Variants in PROS1 observed in about 807,000 individuals in gnomAD.
The protein encoded by PROS1 is protein S.
Under a neutral mutation model 75.9 loss-of-function variants are expected in PROS1, and 29 were observed. The observed-to-expected ratio is 0.38, with a 90% CI of 0.28 to 0.52. PROS1 has a LOEUF of 0.52. Among genes scored for constraint, PROS1 ranks in the 20% least tolerant of loss-of-function variants. The probability of loss-of-function intolerance (pLI) is 0.83; values close to 1 mark genes in which losing one functional copy is unlikely to be tolerated. For missense variants in PROS1, 680 were observed against 810.3 expected (o/e 0.84, Z 1.95); for synonymous variants, 245 against 280.6 (o/e 0.87, Z 1.27).
At position 93,965,680 on chromosome 3, in the gene PROS1, C is replaced by G. The variant is rs1709778049; in HGVS notation, c.76+7994G>C. On this transcript the variant is annotated intron_variant, in intron 1 of 14. Coordinates refer to ENST00000394236, the MANE Select transcript of PROS1 (RefSeq NM_000313.4). Reference sequence around the variant, plus strand: ...TGAGCAAGGACCCCCCGGTAACAACCTGATACTTTTCTTTTCTTTTCTATT... The same window carrying G: ...TGAGCAAGGACCCCCCGGTAACAACGTGATACTTTTCTTTTCTTTTCTATT... Among the ~76,000 whole-genome samples the G allele has an allele frequency of 3.3e-5, 5 of 152,070 alleles. No individual in the cohort carries two copies. In the South Asian group the frequency reaches 1.0e-3, roughly 32 times the overall value.
rs546824546 is a variant in PROS1 at position 93,949,316 on chromosome 3, A to G, written c.77-21909T>C. Among the ~76,000 whole-genome samples, 38 of 152,286 alleles carry G rather than the reference A, an allele frequency of 2.5e-4. 1 individual carries two copies. The highest frequency in any genetic ancestry group is 2.1e-3 in the South Asian group (10 of 4,824). On this transcript the variant is annotated intron_variant, in intron 1 of 14. Transcript: ENST00000394236. Reference sequence around the variant, plus strand: ...TTTTTATAAACTCACAATCAATGTCACCTACTTTTATAAAATTGAGTATTT... The same window carrying G: ...TTTTTATAAACTCACAATCAATGTCGCCTACTTTTATAAAATTGAGTATTT...
In PROS1 at chr3:93,924,254, TA is replaced by T; in HGVS notation, c.244del (p.Tyr82IlefsTer5). The part of the protein sequence containing the change: ...FENDPETDYF[Y>X]PKYLVCLRSF... ...TTTGAACTTACCTAAGTATTTTGGA[TA>T]AAAATAATCCTAGAAAGAAGAAAAA... On this transcript the variant is annotated frameshift_variant, in exon 3 of 15. Coordinates refer to ENST00000394236, the MANE Select transcript of PROS1 (RefSeq NM_000313.4). LOFTEE classifies it high-confidence loss of function. The T allele has an allele frequency of 2.3e-6, 3 of 1,293,752 alleles. No homozygotes were observed. The highest frequency in any genetic ancestry group is 2.1e-6 in the Non-Finnish European group (2 of 944,364). 80.1% of individuals were successfully genotyped at this position (1,293,752 alleles called of 1,614,324 possible).
chr3:93,893,352 T>A (rs770647310), intron 9 of PROS1, among the ~76,000 whole-genome samples: 7 of 152,206 alleles, frequency 4.6e-5, no homozygotes, highest in Non-Finnish European at 1.0e-4. Context: ...ATTCTTGGAA[T>A]CTTTTCCCCA....
At chr3:93,965,422 A>G (rs1200861420) in intron 1 of PROS1, among the ~76,000 whole-genome samples, 1 of 152,202 alleles carries the variant, frequency 6.6e-6, no homozygotes, top group Non-Finnish European at 1.5e-5. Flanking sequence ...CTGCATGGCT[A>G]AGTGCCCGGG....
chr3:93,902,700 C>T (rs553449744), intron 6 of PROS1, among the ~76,000 whole-genome samples: 1 of 151,524 alleles, frequency 6.6e-6, no homozygotes, highest in South Asian at 2.1e-4. Context: ...TTGCAGTGAG[C>T]CGAGCTCACA....
At chr3:93,919,677 C>T (rs190464535) in intron 3 of PROS1, among the ~76,000 whole-genome samples, 16 of 152,250 alleles carry the variant, frequency 1.1e-4, no homozygotes, top group Non-Finnish European at 2.1e-4. Flanking sequence ...TCATCAGTCA[C>T]AAAGATATTC....
chr3:93,940,975 C>A (rs138203536), intron 1 of PROS1, among the ~76,000 whole-genome samples: 232 of 152,254 alleles, frequency 1.5e-3, no homozygotes, highest in Non-Finnish European at 2.7e-3. Flanking sequence ...CCCTCAATAC[C>A]TTCCTCCACA....
chr3:93,961,723 C>T (rs2107261483), intron 1 of PROS1, among the ~76,000 whole-genome samples: 1 of 152,324 alleles, frequency 6.6e-6, no homozygotes, highest in East Asian at 1.9e-4. Context: ...TTTAATCAGG[C>T]TGAATGTGGT....
At chr3:93,943,094 G>A (rs1709315317) in intron 1 of PROS1, among the ~76,000 whole-genome samples, 2 of 152,226 alleles carry the variant, frequency 1.3e-5, no homozygotes, top group South Asian at 2.1e-4. Flanking sequence ...TAACGGACCG[G>A]CCTTTATTAG....
At chr3:93,932,217 T>C (rs1709116567) in intron 1 of PROS1, among the ~76,000 whole-genome samples, 1 of 152,256 alleles carries the variant, frequency 6.6e-6, no homozygotes, top group Non-Finnish European at 1.5e-5. Flanking sequence ...ATTATCTCCT[T>C]TAATCTGAAT....
chr3:93,910,085 A>G (rs1441105029), intron 4 of PROS1, among the ~76,000 whole-genome samples: 1 of 152,228 alleles, frequency 6.6e-6, no homozygotes, highest in East Asian at 1.9e-4. Flanking sequence ...ATCACAATTT[A>G]TATCCTGTGA....
At chr3:93,925,965 T>G (rs1709010653) in intron 2 of PROS1, among the ~76,000 whole-genome samples, 1 of 152,062 alleles carries the variant, frequency 6.6e-6, no homozygotes, top group Non-Finnish European at 1.5e-5. Flanking sequence ...TTTTCCTTCC[T>G]CACTATCTTT....
intron 1 of PROS1, among the ~76,000 whole-genome samples, chr3:93,972,612 A>T (rs1266544573): frequency 5.3e-5 from 8 of 151,312 alleles, no homozygotes; most frequent in African/African-American, 1.9e-4. Context: ...GCCAAGGCGG[A>T]TGGATCACCG....
At chr3:93,902,914 G>C (rs1708619023) in intron 6 of PROS1, among the ~76,000 whole-genome samples, 1 of 151,866 alleles carries the variant, frequency 6.6e-6, no homozygotes, top group Non-Finnish European at 1.5e-5. Context: ...TGTTTGTTTT[G>C]AGACAGATCT....
intron 9 of PROS1, among the ~76,000 whole-genome samples, 163 bp downstream of exon 9, chr3:93,896,413 A>G (rs1708501915): frequency 6.6e-6 from 1 of 152,174 alleles, no homozygotes. Context: ...ACATGTGTGA[A>G]GGAGTAAATT....
intron 3 of PROS1, among the ~76,000 whole-genome samples, chr3:93,912,496 G>A (rs918497419): frequency 6.6e-6 from 1 of 152,102 alleles, no homozygotes; most frequent in Non-Finnish European, 1.5e-5. Flanking sequence ...TCATTATTCA[G>A]CCTACCATGG....
chr3:93,874,860 A>T (rs1708159212), intron 14 of PROS1, among the ~76,000 whole-genome samples: 1 of 152,088 alleles, frequency 6.6e-6, no homozygotes, highest in Non-Finnish European at 1.5e-5. Flanking sequence ...ATAAAAGCAG[A>T]TTTCTGTATT....
intron 1 of PROS1, among the ~76,000 whole-genome samples, chr3:93,953,152 A>G (rs1709534433): frequency 6.6e-6 from 1 of 151,844 alleles, no homozygotes; most frequent in Non-Finnish European, 1.5e-5. Flanking sequence ...CCAGACATAA[A>G]AAGAGTTGTT....
At chr3:93,895,111 T>C (rs1708481751) in intron 9 of PROS1, among the ~76,000 whole-genome samples, 1 of 152,196 alleles carries the variant, frequency 6.6e-6, no homozygotes, top group African/African-American at 2.4e-5. Context: ...CTACATTATG[T>C]ATAATACTCA....
Sources: gnomAD v4.1 joint callset for allele counts (sites outside exome capture counted in the v4.1 genomes callset) on GRCh38, gnomAD v4.1.1 for gene constraint, MANE v1.5 for transcripts, NCBI Gene and HGNC (gene_info 2026-07-23, HGNC 2026-07-21) for gene names.